Variants in MYO3A observed in about 807,000 individuals in gnomAD.
The protein encoded by MYO3A is myosin IIIA.
In MYO3A, 180 loss-of-function variants were observed where a neutral mutation model predicts 192.7. The ratio of observed to expected loss-of-function variants is 0.93; its 90% CI spans 0.83 to 1.06. The LOEUF is 1.06. Among genes scored for constraint, MYO3A ranks in the 50% least tolerant of loss-of-function variants. MYO3A has a pLI of 0.00. For synonymous variants in MYO3A, 628 were observed against 645.3 expected (o/e 0.97, Z 0.41); for missense variants, 1,896 against 1,905.0 (o/e 1.00, Z 0.09).
intron 4 of MYO3A, among the ~76,000 whole-genome samples, chr10:25,984,620 G>A (rs976047995): frequency 1.3e-5 from 2 of 151,792 alleles, no homozygotes; most frequent in Non-Finnish European, 2.9e-5. Context: ...TAAACTTTTC[G>A]CTCTTTGAAA....
intron 2 of MYO3A, among the ~76,000 whole-genome samples, chr10:25,943,967 T>C (rs1388162200): frequency 6.6e-6 from 1 of 152,082 alleles, no homozygotes; most frequent in Non-Finnish European, 1.5e-5. Flanking sequence ...GTGGACATTT[T>C]TGTCTTGTTC....
chr10:26,114,812 T>C (rs1014584281), intron 17 of MYO3A, among the ~76,000 whole-genome samples: 7 of 152,196 alleles, frequency 4.6e-5, no homozygotes, highest in African/African-American at 1.7e-4. Context: ...AGTAAGTTTA[T>C]AATCTGATAG....
At chr10:26,189,342 A>T (rs547103493) in intron 31 of MYO3A, among the ~76,000 whole-genome samples, 13 of 152,178 alleles carry the variant, frequency 8.5e-5, no homozygotes, top group Non-Finnish European at 1.3e-4. Flanking sequence ...TAAGATTTCA[A>T]CATGTGAATT....
At chr10:26,207,370 G>C (rs957501842) in intron 34 of MYO3A, among the ~76,000 whole-genome samples, 1 of 152,032 alleles carries the variant, frequency 6.6e-6, no homozygotes, top group African/African-American at 2.4e-5. Flanking sequence ...GCTAGCCCCT[G>C]TATTTTCTTC....
chr10:26,161,699 G>A (rs1841492857), intron 26 of MYO3A, among the ~76,000 whole-genome samples: 1 of 152,108 alleles, frequency 6.6e-6, no homozygotes, highest in African/African-American at 2.4e-5. Flanking sequence ...ATAAGTATTA[G>A]GTGAAATAAT....
At chr10:25,989,862 C>T (rs192147669) in intron 4 of MYO3A, among the ~76,000 whole-genome samples, 82 of 151,984 alleles carry the variant, frequency 5.4e-4, no homozygotes, top group African/African-American at 1.8e-3. Flanking sequence ...GAGGAGGCCC[C>T]GTATGTCAGG....
intron 34 of MYO3A, among the ~76,000 whole-genome samples, chr10:26,210,135 GAAGGAAGGAAGGAAGA>G (rs1395145850): frequency 1.1e-4 from 8 of 72,546 alleles, no homozygotes; most frequent in African/African-American, 3.0e-4. Flanking sequence ...GGGAGGGAGG[GAAGGAAGGAAGGAAGA>G]AAGGAAGGAA....
chr10:26,179,119 A>C (rs1166919011), intron 31 of MYO3A, among the ~76,000 whole-genome samples: 2 of 15,810 alleles, frequency 1.3e-4, no homozygotes, highest in East Asian at 1.8e-3. Flanking sequence ...TTTTTTTGAG[A>C]CGGAGTTTCA....
At chr10:26,039,009 TAATG>T (rs925445580) in intron 10 of MYO3A, among the ~76,000 whole-genome samples, 4 of 149,942 alleles carry the variant, frequency 2.7e-5, no homozygotes, top group Non-Finnish European at 5.9e-5. Context: ...CACTTGGTCA[TAATG>T]AATGAGTTTT....
At chr10:26,052,905 G>C (rs12766250) in intron 10 of MYO3A, among the ~76,000 whole-genome samples, 45,604 of 151,676 alleles carry the variant, frequency 0.3, 7,278 homozygotes, top group South Asian at 0.43. Context: ...TGTGACCTTT[G>C]ACAACACTGA....
intron 4 of MYO3A, among the ~76,000 whole-genome samples, chr10:25,993,240 G>C (rs1200943995): frequency 6.6e-6 from 1 of 152,138 alleles, no homozygotes; most frequent in Non-Finnish European, 1.5e-5. Flanking sequence ...AGACTTGGGA[G>C]GGTGTATGTG....
intron 4 of MYO3A, among the ~76,000 whole-genome samples, chr10:25,958,188 T>G (rs932752855): frequency 6.6e-6 from 1 of 152,198 alleles, no homozygotes; most frequent in African/African-American, 2.4e-5. Context: ...TGGATGGTAT[T>G]GCCTAGATTG....
intron 31 of MYO3A, among the ~76,000 whole-genome samples, chr10:26,190,156 A>C (rs1351109871): frequency 6.6e-6 from 1 of 152,228 alleles, no homozygotes; most frequent in Non-Finnish European, 1.5e-5. Context: ...ACTCTACCAC[A>C]GTTATTAAAT....
intron 4 of MYO3A, among the ~76,000 whole-genome samples, chr10:25,991,368 T>C (rs1840018849): frequency 6.6e-6 from 1 of 152,170 alleles, no homozygotes; most frequent in Non-Finnish European, 1.5e-5. Flanking sequence ...TTGTTTGTTT[T>C]TTTCTTGTAA....
At chr10:26,197,835 G>T (rs980945698) in intron 32 of MYO3A, among the ~76,000 whole-genome samples, 1 of 152,194 alleles carries the variant, frequency 6.6e-6, no homozygotes, top group African/African-American at 2.4e-5. Flanking sequence ...CAAAGTGCTG[G>T]AATTACAGGC....
intron 8 of MYO3A, chr10:26,021,988 G>A: frequency 4.6e-6 from 1 of 217,770 alleles, no homozygotes; most frequent in Middle Eastern, 1.8e-3. Flanking sequence ...GTTTTGCTTT[G>A]CTTTACCTAC....
intron 6 of MYO3A, among the ~76,000 whole-genome samples, chr10:25,998,520 A>G (rs950299821): frequency 6.6e-6 from 1 of 152,158 alleles, no homozygotes. Context: ...GCCTTGAGCA[A>G]TCTGTCTGGG....
intron 27 of MYO3A, among the ~76,000 whole-genome samples, chr10:26,167,531 A>G (rs1394841897): frequency 1.3e-5 from 2 of 152,230 alleles, no homozygotes; most frequent in Non-Finnish European, 2.9e-5. Flanking sequence ...TTTTGCAGTT[A>G]TAGTTCTGCA....
At chr10:25,952,901 G>A (rs1837298168) in intron 3 of MYO3A, among the ~76,000 whole-genome samples, 1 of 148,950 alleles carries the variant, frequency 6.7e-6, no homozygotes, top group South Asian at 2.1e-4. Context: ...TTAAGTAGCA[G>A]TTGTGATAAG....
Sources: gnomAD v4.1 joint callset for allele counts (sites outside exome capture counted in the v4.1 genomes callset) on GRCh38, gnomAD v4.1.1 for gene constraint, MANE v1.5 for transcripts, NCBI Gene and HGNC (gene_info 2026-07-23, HGNC 2026-07-21) for gene names.